The following PRPF18 variants were observed in gnomAD, a reference collection of about 807,000 sequenced individuals.
The protein encoded by PRPF18 is pre-mRNA processing factor 18, also known as pre-mRNA-splicing factor 18.
A neutral mutation model predicts 46.5 loss-of-function variants in PRPF18; 38 were observed. That is an observed-to-expected ratio of 0.82 (90% CI 0.63 to 1.07). PRPF18 has a LOEUF of 1.07. PRPF18 is among the 50% of genes least tolerant of loss of function. The pLI is 0.00. For missense variants in PRPF18, 263 were observed against 410.0 expected, an observed-to-expected ratio of 0.64 and a Z score of 3.10; for synonymous variants, 152 against 146.7, an observed-to-expected ratio of 1.04 and a Z score of -0.26.
chr10:13,593,238 A>G (rs1482274950), intron 1 of PRPF18, among the ~76,000 whole-genome samples: 3 of 152,242 alleles, frequency 2.0e-5, no homozygotes, highest in African/African-American at 7.2e-5. Flanking sequence ...ATGGCTAAAA[A>G]GTACAAAAAA....
At chr10:13,600,494 G>A (rs2080090543) in intron 3 of PRPF18, 146 bp downstream of exon 3, 1 of 549,310 alleles carries the variant, frequency 1.8e-6, no homozygotes, top group Non-Finnish European at 3.0e-6. Context: ...TCTTCATGAA[G>A]TTCTAAATTA....
chr10:13,603,078 C>T (rs947320314), intron 3 of PRPF18, among the ~76,000 whole-genome samples: 13 of 152,190 alleles, frequency 8.5e-5, no homozygotes, highest in African/African-American at 2.2e-4. Context: ...AGTTAAAAGA[C>T]GACGTAGTTT....
chr10:13,613,520 A>G (rs560106141), intron 6 of PRPF18, among the ~76,000 whole-genome samples: 3 of 152,260 alleles, frequency 2.0e-5, no homozygotes, highest in Non-Finnish European at 4.4e-5. Flanking sequence ...AGCTAGGAAT[A>G]GATGTAGACT....
intron 1 of PRPF18, chr10:13,591,720 A>G: frequency 1.1e-6 from 1 of 935,094 alleles, no homozygotes; most frequent in Non-Finnish European, 1.6e-6. Flanking sequence ...CGCTGATAAC[A>G]ATTTTGGTTG....
rs543165996 is a variant in PRPF18 at position 13,591,658 on chromosome 10, C to T, written c.66+4506C>T. The T allele has an allele frequency of 5.6e-5, 35 of 619,518 alleles. No individual in the cohort carries two copies. In the East Asian group the frequency reaches 9.4e-4, roughly 17 times the overall value. 38.4% of individuals were successfully genotyped at this position (619,518 alleles called of 1,614,324 possible). A position where few individuals can be genotyped will look rare whatever the true frequency, so the allele number is the denominator to read the frequency against. ...CAGCTTCCTGGTGTCTGGGCTTCTG[C>T]AGCTGCTGCTGCTTGAATAAGCATC... On this transcript the variant is annotated intron_variant, in intron 1 of 9. Coordinates refer to ENST00000378572, the MANE Select transcript of PRPF18 (RefSeq NM_003675.4).
chr10:13,600,165 C>T, intron 2 of PRPF18, 79 bp from the exon 3 acceptor site: 1 of 1,149,080 alleles, frequency 8.7e-7, no homozygotes. Flanking sequence ...TGTTTAACTT[C>T]CATAGCTAAG....
chr10:13,633,969 A>G (rs2080613021), downstream of PRPF18, among the ~76,000 whole-genome samples: 1 of 152,218 alleles, frequency 6.6e-6, no homozygotes, highest in Non-Finnish European at 1.5e-5. Context: ...TGGCTGAACT[A>G]TAACCACACG....
intron 9 of PRPF18, among the ~76,000 whole-genome samples, chr10:13,629,189 C>T (rs568330193): frequency 6.6e-6 from 1 of 152,198 alleles, no homozygotes; most frequent in Non-Finnish European, 1.5e-5. Context: ...TTTGTGAGAT[C>T]GGTGGGAATT....
At chr10:13,615,679 T>C (rs1010147980) in intron 8 of PRPF18, among the ~76,000 whole-genome samples, 3 of 152,208 alleles carry the variant, frequency 2.0e-5, no homozygotes, top group African/African-American at 7.2e-5. Flanking sequence ...ATTTGCTTTA[T>C]GTTTTTCTTG....
At chr10:13,611,557 T>C in intron 5 of PRPF18, 58 bp from the exon 6 acceptor site, 2 of 1,370,242 alleles carry the variant, frequency 1.5e-6, no homozygotes, top group Admixed American at 1.7e-5. Flanking sequence ...GTTGGTAATA[T>C]ATATGTTTAG....
Position 13,601,070 on chromosome 10 carries a change from C to T in PRPF18, c.249+722C>T, listed in dbSNP as rs548630595. Among the ~76,000 whole-genome samples the T allele has an allele frequency of 9.9e-5, 15 of 152,194 alleles. No homozygotes were observed. In the South Asian group the frequency reaches 2.7e-3, roughly 27 times the overall value. On this transcript the variant is annotated intron_variant, in intron 3 of 9. Coordinates refer to ENST00000378572, the MANE Select transcript of PRPF18 (RefSeq NM_003675.4). ...TGCTGGGATTACAGGTGTGAGCCAC[C>T]GCGCCTGGCCGCACCGTAATATTTA... is the stretch of plus-strand genomic sequence containing the variant.
chr10:13,601,292 A>G (rs2080105061), intron 3 of PRPF18, among the ~76,000 whole-genome samples: 2 of 152,204 alleles, frequency 1.3e-5, no homozygotes, highest in South Asian at 4.1e-4. Context: ...CTGTGGAGGT[A>G]TTAGCCATGT....
intron 2 of PRPF18, among the ~76,000 whole-genome samples, chr10:13,598,120 G>C (rs541736268): frequency 6.6e-6 from 1 of 152,260 alleles, no homozygotes; most frequent in East Asian, 1.9e-4. Context: ...CTGTTGGATA[G>C]AAAATGTCAT....
chr10:13,629,588 T>C (rs554956679), intron 9 of PRPF18, among the ~76,000 whole-genome samples: 1 of 152,370 alleles, frequency 6.6e-6, no homozygotes, highest in African/African-American at 2.4e-5. Context: ...CCATGTTATA[T>C]GTGCATTTCT....
chr10:13,621,870 A>G (rs761974672), intron 9 of PRPF18, among the ~76,000 whole-genome samples: 5 of 152,216 alleles, frequency 3.3e-5, no homozygotes, highest in African/African-American at 4.8e-5. Context: ...TTTTATGTCA[A>G]TTATTTCAAT....
rs758345610 is a variant in PRPF18, at chr10:13,613,839, C to T, written c.678C>T (p.Thr226=). 3.7e-6 allele frequency: 6 copies of T among 1,613,654 alleles called. No homozygotes were observed. The highest frequency in any genetic ancestry group is 2.2e-5 in the South Asian group (2 of 90,966). The change falls in exon 7 of 10, where the codon ACC becomes ACT. Residue 226 remains threonine, a synonymous_variant. Transcript: ENST00000378572. ...TGAACAGTGCGACCCAGAAACAGAC[C>T]GAGTCCTACCTAAGACCACTTTTTA... ...GKLNSATQKQ[T]ESYLRPLFRK...
the PRPF18 span, chr10:13,642,847 G>C: frequency 6.6e-6 from 1 of 152,148 alleles, no homozygotes; most frequent in Non-Finnish European, 1.5e-5. Flanking sequence ...CTCTCTTGAT[G>C]GGCTCACTTC....
intron 3 of PRPF18, among the ~76,000 whole-genome samples, chr10:13,604,076 T>G (rs2080151599): frequency 1.3e-5 from 2 of 152,290 alleles, no homozygotes; most frequent in Admixed American, 1.3e-4. Context: ...ATGGGATGTT[T>G]CACGAAGAAA....
downstream of PRPF18, among the ~76,000 whole-genome samples, chr10:13,635,305 T>C (rs1484081916): frequency 6.6e-6 from 1 of 152,228 alleles, no homozygotes; most frequent in Non-Finnish European, 1.5e-5. Context: ...TTGGTGGGCA[T>C]TTGGGTTGAT....
Sources: allele counts gnomAD v4.1 joint callset (sites outside exome capture counted in the v4.1 genomes callset), GRCh38; gene constraint gnomAD v4.1.1; transcripts MANE v1.5; gene names NCBI Gene and HGNC (gene_info 2026-07-23, HGNC 2026-07-21).